Variants in PDE8A observed in about 807,000 individuals in gnomAD.
The protein encoded by PDE8A is high affinity cAMP-specific and IBMX-insensitive 3',5'-cyclic phosphodiesterase 8A.
In PDE8A, 59 loss-of-function variants were observed where a neutral mutation model predicts 105.0. That is an observed-to-expected ratio of 0.56 (90% CI 0.46 to 0.70). The LOEUF (loss-of-function observed/expected upper bound fraction) is 0.70. PDE8A is among the 30% of genes least tolerant of loss of function. The pLI is 0.00. For synonymous variants in PDE8A, 355 were observed against 371.9 expected (o/e 0.95, Z 0.52); for missense variants, 1,014 against 1,045.9 (o/e 0.97, Z 0.42).
chr15:85,097,888 A>G, intron 8 of PDE8A, 60 bp from the exon 9 acceptor site: 1 of 953,958 alleles, frequency 1.0e-6, no homozygotes, highest in Non-Finnish European at 1.7e-6. Flanking sequence ...TGAAGTGGAA[A>G]ATGTTCTTGG....
chr15:85,045,774 C>T (rs72757047), intron 1 of PDE8A, among the ~76,000 whole-genome samples: 8,947 of 152,174 alleles, frequency 0.059, 662 homozygotes, highest in African/African-American at 0.18. Flanking sequence ...CTGGTATCTC[C>T]TGACTCTTTC....
At chr15:85,095,338 A>AAT (rs931297682) in intron 8 of PDE8A, among the ~76,000 whole-genome samples, 16 of 152,152 alleles carry the variant, frequency 1.1e-4, no homozygotes, top group East Asian at 5.8e-4. Context: ...TCAGGAACTA[A>AAT]ATATATATAT....
chr15:85,061,383 G>A (rs1263771489), intron 1 of PDE8A, among the ~76,000 whole-genome samples: 6 of 151,758 alleles, frequency 4.0e-5, no homozygotes, highest in Admixed American at 6.6e-5. Context: ...ACAGGCACCC[G>A]CCACCACACC....
At chr15:85,033,795 G>A (rs1567239717) in intron 1 of PDE8A, among the ~76,000 whole-genome samples, 1 of 152,208 alleles carries the variant, frequency 6.6e-6, no homozygotes, top group Non-Finnish European at 1.5e-5. Context: ...AACCTGGGAG[G>A]CAGAGGTTGC....
intron 1 of PDE8A, among the ~76,000 whole-genome samples, chr15:84,989,322 T>A (rs1425178677): frequency 2.6e-5 from 4 of 152,270 alleles, no homozygotes; most frequent in African/African-American, 9.6e-5. Context: ...GCTTTTATTC[T>A]GTATTGGTTG....
intron 1 of PDE8A, among the ~76,000 whole-genome samples, chr15:85,002,199 C>G (rs1268967130): frequency 6.6e-6 from 1 of 151,958 alleles, no homozygotes; most frequent in Non-Finnish European, 1.5e-5. Flanking sequence ...GTTCAGATGC[C>G]AATCGAAAGT....
chr15:85,038,201 T>C (rs565499679), intron 1 of PDE8A, among the ~76,000 whole-genome samples: 2 of 148,186 alleles, frequency 1.3e-5, no homozygotes, highest in South Asian at 2.1e-4. Context: ...TCTGCAAGGC[T>C]CTCTCCAATT....
chr15:84,996,049 T>G (rs1318647915), intron 1 of PDE8A, among the ~76,000 whole-genome samples: 1 of 152,236 alleles, frequency 6.6e-6, no homozygotes, highest in East Asian at 1.9e-4. Context: ...TCTATTTTGG[T>G]TTTAGAAGTT....
At chr15:85,022,182 C>T (rs960114739) in intron 1 of PDE8A, among the ~76,000 whole-genome samples, 3 of 152,132 alleles carry the variant, frequency 2.0e-5, no homozygotes, top group African/African-American at 4.8e-5. Flanking sequence ...TGTTATTCAG[C>T]CATTTGGGGT....
intron 19 of PDE8A, among the ~76,000 whole-genome samples, chr15:85,125,698 G>A (rs1449411060): frequency 2.6e-5 from 4 of 152,174 alleles, no homozygotes; most frequent in South Asian, 2.1e-4. Context: ...AATATGTTAG[G>A]TGTTATCTTG....
chr15:85,087,349 T>C (rs2081571373), intron 6 of PDE8A, among the ~76,000 whole-genome samples: 2 of 152,188 alleles, frequency 1.3e-5, no homozygotes, highest in African/African-American at 2.4e-5. Context: ...ACTACAGATG[T>C]ATACCACCAG....
chr15:85,077,158 G>A (rs1216835926), intron 5 of PDE8A, among the ~76,000 whole-genome samples: 1 of 152,026 alleles, frequency 6.6e-6, no homozygotes, highest in Non-Finnish European at 1.5e-5. Context: ...CTCCTTTAAT[G>A]GCATTTTCAC....
chr15:85,108,716 A>G (rs1463299728), intron 11 of PDE8A, among the ~76,000 whole-genome samples: 1 of 152,180 alleles, frequency 6.6e-6, no homozygotes, highest in Admixed American at 6.5e-5. Flanking sequence ...GTGGGGATCA[A>G]AATTTTCCCA....
In PDE8A at chr15:85,091,160, T is replaced by G. The variant is rs2081636606; in HGVS notation, c.831T>G (p.Asn277Lys). 1 of 1,612,050 alleles carries G rather than the reference T, an allele frequency of 6.2e-7. No individual in the cohort carries two copies. Among genetic ancestry groups the G allele is most frequent in the Admixed American group, 1.7e-5 (1 of 59,430 alleles). ...EKKADLLDTI[N>K]SCIRIGKEWQ... Reference sequence around the variant, plus strand: ...AGGCTGACTTGCTCGATACTATAAATTCATGCATCAGGATAGGCAAGGTAA... The same window carrying G: ...AGGCTGACTTGCTCGATACTATAAAGTCATGCATCAGGATAGGCAAGGTAA... Residue 277 changes from asparagine (N) to lysine (K), a missense_variant, in exon 8 of 22, where the codon AAT becomes AAG. Physicochemically the swap from Asn to Lys is moderately conservative, Grantham distance 94. Coordinates refer to ENST00000394553, the MANE Select transcript of PDE8A (RefSeq NM_002605.3).
intron 1 of PDE8A, among the ~76,000 whole-genome samples, chr15:85,043,683 TG>T (rs1162914361): frequency 6.6e-4 from 20 of 30,126 alleles, no homozygotes; most frequent in African/African-American, 2.0e-3. Flanking sequence ...AATGGTTTTT[TG>T]TTTGTTTGTT....
chr15:85,092,933 T>C (rs1257704039), intron 8 of PDE8A, among the ~76,000 whole-genome samples: 5 of 151,928 alleles, frequency 3.3e-5, no homozygotes, highest in African/African-American at 1.2e-4. Flanking sequence ...TTTTTTTTTT[T>C]TTTCTTGAGA....
At chr15:85,004,247 G>A (rs1255882696) in intron 1 of PDE8A, among the ~76,000 whole-genome samples, 1 of 152,136 alleles carries the variant, frequency 6.6e-6, no homozygotes, top group African/African-American at 2.4e-5. Flanking sequence ...CAGCTCTAGG[G>A]TGGGCCCCAG....
chr15:85,047,165 TCCCTTGTAAATATTAATGTGAAA>T, intron 1 of PDE8A, among the ~76,000 whole-genome samples: 1 of 152,336 alleles, frequency 6.6e-6, no homozygotes, highest in Middle Eastern at 3.4e-3. Flanking sequence ...AAATGATTAT[TCCCTTGTAAATATTAATGTGAAA>T]AATAAATTAT....
At chr15:84,992,607 G>A (rs187607443) in intron 1 of PDE8A, among the ~76,000 whole-genome samples, 4 of 152,250 alleles carry the variant, frequency 2.6e-5, no homozygotes, top group African/African-American at 7.2e-5. Flanking sequence ...CACTATGCAG[G>A]ACCTATTGCA....
Sources: gnomAD v4.1 joint callset for allele counts (sites outside exome capture counted in the v4.1 genomes callset) on GRCh38, gnomAD v4.1.1 for gene constraint, MANE v1.5 for transcripts, NCBI Gene and HGNC (gene_info 2026-07-23, HGNC 2026-07-21) for gene names.